Variants in EXOC6B observed in about 807,000 individuals in gnomAD.
The protein encoded by EXOC6B is exocyst complex component 6B.
EXOC6B carries 54 observed loss-of-function variants against 113.5 expected under a neutral mutation model. The observed-to-expected ratio is 0.48, with a 90% CI of 0.38 to 0.60. EXOC6B has a LOEUF of 0.60. Among genes scored for constraint, EXOC6B ranks in the 20% least tolerant of loss-of-function variants. EXOC6B has a pLI of 0.00. For missense variants in EXOC6B, 797 were observed against 977.5 expected (o/e 0.82, Z 2.46); for synonymous variants, 357 against 339.0 (o/e 1.05, Z -0.58).
chr2:72,203,131 T>C (rs1350939966), intron 20 of EXOC6B, among the ~76,000 whole-genome samples: 1 of 152,244 alleles, frequency 6.6e-6, no homozygotes, highest in Non-Finnish European at 1.5e-5. Flanking sequence ...ACAATGAAGA[T>C]GGCAAACTTA....
At chr2:72,367,620 G>T (rs561962404) in intron 19 of EXOC6B, among the ~76,000 whole-genome samples, 1 of 152,186 alleles carries the variant, frequency 6.6e-6, no homozygotes, top group African/African-American at 2.4e-5. Flanking sequence ...ACATCATATC[G>T]CTAAAAGAGA....
At chr2:72,540,608 A>T (rs934086355) in intron 8 of EXOC6B, among the ~76,000 whole-genome samples, 4 of 152,166 alleles carry the variant, frequency 2.6e-5, no homozygotes, top group African/African-American at 9.7e-5. Context: ...TACTGCCCAC[A>T]TTTCAATTTT....
chr2:72,300,398 G>A (rs1165864346), intron 20 of EXOC6B, among the ~76,000 whole-genome samples: 1 of 152,204 alleles, frequency 6.6e-6, no homozygotes, highest in Non-Finnish European at 1.5e-5. Flanking sequence ...ATCCCAGGTC[G>A]ACCTCAGACT....
At chr2:72,565,148 C>A (rs534424552) in intron 7 of EXOC6B, among the ~76,000 whole-genome samples, 2 of 152,034 alleles carry the variant, frequency 1.3e-5, no homozygotes, top group Non-Finnish European at 1.5e-5. Context: ...CCCAGGAGTT[C>A]AAGACCAGCC....
intron 20 of EXOC6B, among the ~76,000 whole-genome samples, chr2:72,334,313 T>C (rs550584985): frequency 1.2e-4 from 18 of 152,224 alleles, no homozygotes; most frequent in African/African-American, 4.3e-4. Context: ...TTCTATCTAA[T>C]GGGCTTCCCA....
intron 6 of EXOC6B, among the ~76,000 whole-genome samples, chr2:72,626,702 G>A (rs186193477): frequency 2.6e-5 from 4 of 152,164 alleles, no homozygotes; most frequent in Non-Finnish European, 5.9e-5. Flanking sequence ...ACACTTTTTG[G>A]TATCTAACTG....
chr2:72,471,157 T>C (rs571722424), intron 17 of EXOC6B, among the ~76,000 whole-genome samples: 1 of 152,232 alleles, frequency 6.6e-6, no homozygotes, highest in South Asian at 2.1e-4. Flanking sequence ...ATGATCGCCA[T>C]TCTAACTGGT....
At chr2:72,439,860 C>G (rs1442355923) in intron 18 of EXOC6B, among the ~76,000 whole-genome samples, 2 of 152,128 alleles carry the variant, frequency 1.3e-5, no homozygotes, top group African/African-American at 4.8e-5. Flanking sequence ...TGGGCTTATC[C>G]ACCTTCAATC....
At chr2:72,603,664 A>G (rs1175929327) in intron 6 of EXOC6B, among the ~76,000 whole-genome samples, 1 of 152,138 alleles carries the variant, frequency 6.6e-6, no homozygotes, top group African/African-American at 2.4e-5. Context: ...CTGGTAAGAA[A>G]TAACAGCATT....
intron 6 of EXOC6B, among the ~76,000 whole-genome samples, chr2:72,702,192 A>G (rs1678408242): frequency 6.6e-6 from 1 of 151,002 alleles, no homozygotes; most frequent in Non-Finnish European, 1.5e-5. Context: ...TGTTCTTGCA[A>G]TAGTTTACTG....
At chr2:72,553,295 A>G (rs1703344358) in intron 8 of EXOC6B, among the ~76,000 whole-genome samples, 1 of 152,096 alleles carries the variant, frequency 6.6e-6, no homozygotes, top group Non-Finnish European at 1.5e-5. Flanking sequence ...AGGTTGGGGG[A>G]AAGCTCAATT....
chr2:72,317,872 C>T (rs1008414667), intron 20 of EXOC6B, among the ~76,000 whole-genome samples: 1 of 152,124 alleles, frequency 6.6e-6, no homozygotes, highest in African/African-American at 2.4e-5. Flanking sequence ...CTATAAGGAG[C>T]CTGCTGCTTG....
intron 18 of EXOC6B, among the ~76,000 whole-genome samples, chr2:72,434,532 T>G (rs890998087): frequency 6.6e-6 from 1 of 152,204 alleles, no homozygotes; most frequent in African/African-American, 2.4e-5. Flanking sequence ...ATCCGTCTGG[T>G]CCTGGACTTT....
intron 1 of EXOC6B, among the ~76,000 whole-genome samples, chr2:72,781,977 A>G (rs557046901): frequency 6.6e-6 from 1 of 151,962 alleles, no homozygotes; most frequent in African/African-American, 2.4e-5. Context: ...CATCTCTACT[A>G]AAAATACAAA....
intron 18 of EXOC6B, among the ~76,000 whole-genome samples, chr2:72,394,876 G>C (rs945228782): frequency 6.6e-6 from 1 of 151,962 alleles, no homozygotes; most frequent in Admixed American, 6.6e-5. Context: ...TCACTGGCTT[G>C]GTTTCAAGAC....
Position 72,415,341 on chromosome 2 carries a change from C to CAA in EXOC6B, c.1981-35473_1981-35472dup, listed in dbSNP as rs551209151. Among the ~76,000 whole-genome samples, 44 of 140,442 alleles carry CAA rather than the reference C, an allele frequency of 3.1e-4. No individual in the cohort carries two copies. The South Asian group carries it at 5.1e-3, about 16-fold the overall frequency. 92.1% of individuals were successfully genotyped at this position (140,442 alleles called of 152,430 possible). A position where few individuals can be genotyped will look rare whatever the true frequency, so the allele number is the denominator to read the frequency against. Reference sequence around the variant, plus strand: ...AAAAGATGCTGAGCCTGGAGTCCTCCAAAAAAAAAAAATACAGTGATTAAA... The same window carrying CAA: ...AAAAGATGCTGAGCCTGGAGTCCTCCAAAAAAAAAAAAAATACAGTGATTAAA... On this transcript the variant is annotated intron_variant, in intron 18 of 21. Transcript: ENST00000272427.
chr2:72,246,346 C>T (rs1422027025), intron 20 of EXOC6B, among the ~76,000 whole-genome samples: 1 of 152,036 alleles, frequency 6.6e-6, no homozygotes, highest in African/African-American at 2.4e-5. Context: ...ATTAGACTGC[C>T]TGTTTTATTC....
intron 20 of EXOC6B, among the ~76,000 whole-genome samples, chr2:72,227,566 G>A (rs1396152281): frequency 6.6e-6 from 1 of 152,100 alleles, no homozygotes; most frequent in African/African-American, 2.4e-5. Context: ...TTAAAAATTA[G>A]TAAAAATGTA....
intron 6 of EXOC6B, among the ~76,000 whole-genome samples, chr2:72,676,793 C>T (rs911307240): frequency 1.3e-5 from 2 of 152,168 alleles, no homozygotes; most frequent in East Asian, 1.9e-4. Flanking sequence ...CAAGAAAAAT[C>T]GTCCCTACCT....
Sources: gnomAD v4.1 joint callset for allele counts (sites outside exome capture counted in the v4.1 genomes callset) on GRCh38, gnomAD v4.1.1 for gene constraint, MANE v1.5 for transcripts, NCBI Gene and HGNC (gene_info 2026-07-23, HGNC 2026-07-21) for gene names.